CHL1: variants seen among roughly 807,000 people sequenced by gnomAD.
CHL1 encodes the protein cell adhesion molecule L1 like, also known as neural cell adhesion molecule L1-like protein.
In CHL1, 96 loss-of-function variants were observed where a neutral mutation model predicts 141.9. The observed-to-expected ratio is 0.68, with a 90% confidence interval of 0.57 to 0.80. The LOEUF is 0.80. Ranked by LOEUF, CHL1 falls within the 30% of genes least tolerant of loss-of-function variation. The pLI is 0.00. For missense variants in CHL1, 1,820 were observed against 1,457.2 expected (o/e 1.25, Z -4.05); for synonymous variants, 613 against 502.2 (o/e 1.22, Z -2.95).
chr3:276,975 C>T (rs1574937417), intron 2 of CHL1, among the ~76,000 whole-genome samples: 2 of 150,100 alleles, frequency 1.3e-5, no homozygotes, highest in East Asian at 3.9e-4. Context: ...CACTTATTAG[C>T]TGGTGACTTT....
Position 363,317 on chromosome 3 carries a change from T to A in CHL1, c.1519T>A (p.Ser507Thr), listed in dbSNP as rs1704473790. The change falls in exon 14 of 28, where the codon TCT (serine) becomes ACT (threonine). Residue 507 changes from serine (S) to threonine (T), a missense_variant. Coordinates refer to ENST00000256509, the MANE Select transcript of CHL1 (RefSeq NM_006614.4). Reference protein sequence around the residue: ...INRTTEEDAGSYSCWVENAIG... With the variant: ...INRTTEEDAGTYSCWVENAIG... ...CAGAACCACCGAAGAAGATGCTGGG[T>A]CTTACTCATGTTGGGTAGAAAATGC... 6.2e-7 allele frequency: 1 copy of A among 1,613,532 alleles called. No individual in the cohort carries two copies. Among genetic ancestry groups the A allele is most frequent in the Non-Finnish European group, 8.5e-7 (1 of 1,179,688 alleles).
intron 1 of CHL1, among the ~76,000 whole-genome samples, chr3:226,214 G>A (rs1701330648): frequency 6.7e-6 from 1 of 149,864 alleles, no homozygotes; most frequent in South Asian, 2.1e-4. Context: ...TAGAGACGGG[G>A]TTTTACCATG....
intron 19 of CHL1, among the ~76,000 whole-genome samples, chr3:387,776 C>T (rs964975523): frequency 4.6e-5 from 7 of 152,166 alleles, no homozygotes; most frequent in African/African-American, 1.4e-4. Flanking sequence ...TGGAGCAAAA[C>T]TTTCCAATGA....
At chr3:253,481 C>T (rs1285457473) in intron 2 of CHL1, among the ~76,000 whole-genome samples, 2 of 152,098 alleles carry the variant, frequency 1.3e-5, no homozygotes, top group Non-Finnish European at 2.9e-5. Context: ...GTAGCTGGTT[C>T]CCTCTCTACC....
chr3:370,990 T>C (rs756461944), intron 15 of CHL1, among the ~76,000 whole-genome samples: 1 of 152,166 alleles, frequency 6.6e-6, no homozygotes, highest in Non-Finnish European at 1.5e-5. Flanking sequence ...ATTTACGGTT[T>C]TTTGTATTTG....
At chr3:242,286 A>T (rs2125096862) in intron 1 of CHL1, among the ~76,000 whole-genome samples, 1 of 149,480 alleles carries the variant, frequency 6.7e-6, no homozygotes. Context: ...ACATGAAGGA[A>T]TGAAAGAAAA....
At chr3:212,861 C>T (rs112077359) in intron 1 of CHL1, among the ~76,000 whole-genome samples, 94 of 152,340 alleles carry the variant, frequency 6.2e-4, no homozygotes, top group Non-Finnish European at 1.1e-3. Context: ...AGAAGACATT[C>T]CCCTAAACTC....
At chr3:242,106 A>G (rs1692631029) in intron 1 of CHL1, among the ~76,000 whole-genome samples, 1 of 152,174 alleles carries the variant, frequency 6.6e-6, no homozygotes, top group African/African-American at 2.4e-5. Context: ...GTATGCTAAA[A>G]TTTATCATAA....
chr3:199,832 G>A (rs931791520), intron 1 of CHL1, among the ~76,000 whole-genome samples: 3 of 152,118 alleles, frequency 2.0e-5, no homozygotes, highest in Non-Finnish European at 2.9e-5. Flanking sequence ...AGCCTGATTC[G>A]CTTTTATAGA....
At chr3:397,216 A>G (rs992832652) in intron 24 of CHL1, among the ~76,000 whole-genome samples, 3 of 152,134 alleles carry the variant, frequency 2.0e-5, no homozygotes, top group African/African-American at 7.2e-5. Context: ...TCTGTTTTTC[A>G]AGGTCAAAAT....
rs115337896 is a variant in CHL1, at chr3:213,874, C to T, written c.-175+16811C>T. On this transcript the variant is annotated intron_variant, in intron 1 of 27. Coordinates refer to ENST00000256509, the MANE Select transcript of CHL1 (RefSeq NM_006614.4). ...TTTCCACATGTTCATAATCTAGTAC[C>T]ATTTGAAAAAACTTTCTGATGTGAA... 2.6e-3 allele frequency among the ~76,000 whole-genome samples: 402 copies of T among 152,148 alleles called. 2 individuals are homozygous for T. The highest frequency in any genetic ancestry group is 5.6e-3 in the Admixed American group (86 of 15,278).
chr3:338,130 C>T (rs996100006), intron 5 of CHL1, among the ~76,000 whole-genome samples: 1 of 152,102 alleles, frequency 6.6e-6, no homozygotes, highest in Non-Finnish European at 1.5e-5. Context: ...TCCCAAAGTG[C>T]AAACATTCTT....
At chr3:226,093 C>G (rs896295205) in intron 1 of CHL1, among the ~76,000 whole-genome samples, 5 of 151,066 alleles carry the variant, frequency 3.3e-5, no homozygotes, top group Non-Finnish European at 4.4e-5. Flanking sequence ...ACGATCTCAG[C>G]TCACTGCAAC....
intron 4 of CHL1, 132 bp downstream of exon 4, chr3:326,196 A>G (rs1402839699): frequency 3.8e-6 from 2 of 523,930 alleles, no homozygotes; most frequent in Middle Eastern, 2.8e-4. Flanking sequence ...ACAAAAAATC[A>G]TATCCATGCA....
At chr3:320,798 G>A (rs1419439268) in intron 3 of CHL1, among the ~76,000 whole-genome samples, 3 of 151,956 alleles carry the variant, frequency 2.0e-5, no homozygotes, top group African/African-American at 7.2e-5. Flanking sequence ...TGTATTACAT[G>A]CATATGGGTT....
chr3:376,731 C>G (rs1706374692), intron 15 of CHL1, among the ~76,000 whole-genome samples: 1 of 152,094 alleles, frequency 6.6e-6, no homozygotes, highest in Non-Finnish European at 1.5e-5. Context: ...ATGCAGTATT[C>G]TAATATTGTA....
At chr3:298,206 G>GAAAA (rs1336425621) in intron 2 of CHL1, among the ~76,000 whole-genome samples, 1 of 152,106 alleles carries the variant, frequency 6.6e-6, no homozygotes, top group Admixed American at 6.5e-5. Flanking sequence ...TGTTCTTTCA[G>GAAAA]AAAACACTTA....
At chr3:197,632 G>C (rs1386430021) in intron 1 of CHL1, 14 of 366,896 alleles carry the variant, frequency 3.8e-5, no homozygotes, top group Admixed American at 3.6e-4. Context: ...TCCCAGCCCG[G>C]GGGGGGTTCC....
intron 2 of CHL1, among the ~76,000 whole-genome samples, chr3:253,491 C>T (rs888036738): frequency 6.6e-6 from 1 of 152,110 alleles, no homozygotes; most frequent in Non-Finnish European, 1.5e-5. Flanking sequence ...CCCTCTCTAC[C>T]TTTTCTGTAG....
Sources: allele counts gnomAD v4.1 joint callset (sites outside exome capture counted in the v4.1 genomes callset), GRCh38; gene constraint gnomAD v4.1.1; transcripts MANE v1.5; gene names NCBI Gene and HGNC (gene_info 2026-07-23, HGNC 2026-07-21).